Variants in LOC400499 observed in about 807,000 individuals in gnomAD.
the LOC400499 span, among the ~76,000 whole-genome samples, chr16:11,375,973 A>G: frequency 6.6e-6 from 1 of 152,200 alleles, no homozygotes; most frequent in South Asian, 2.1e-4. Flanking sequence ...GCCTGACCTC[A>G]GGTGATCCAC....
chr16:11,388,642 A>G, the LOC400499 span, among the ~76,000 whole-genome samples: 131,982 of 151,966 alleles, frequency 0.87, 59,010 homozygotes, highest in Non-Finnish European at 0.98. Flanking sequence ...AGGGGCCAAA[A>G]GGGTCTTTTA....
At chr16:11,385,826 T>G in the LOC400499 span, among the ~76,000 whole-genome samples, 2 of 152,178 alleles carry the variant, frequency 1.3e-5, no homozygotes, top group African/African-American at 4.8e-5. Flanking sequence ...TCGACTGTGG[T>G]GATGCAGGCA....
At chr16:11,414,423 T>A in the LOC400499 span, 1 of 399,772 alleles carries the variant, frequency 2.5e-6, no homozygotes, top group Non-Finnish European at 4.4e-6. Flanking sequence ...GTGGGCCACG[T>A]CGTGGCCGAG....
At chr16:11,455,294 C>G in the LOC400499 span, among the ~76,000 whole-genome samples, 2 of 152,120 alleles carry the variant, frequency 1.3e-5, no homozygotes. Context: ...GAGTTAAATT[C>G]TTATCTTCTC....
the LOC400499 span, among the ~76,000 whole-genome samples, chr16:11,525,091 C>G: frequency 0.019 from 2,824 of 152,176 alleles, 82 homozygotes; most frequent in African/African-American, 0.064. Context: ...CGAGACCAGC[C>G]TGGCCAGCAT....
At chr16:11,404,303 C>T in the LOC400499 span, among the ~76,000 whole-genome samples, 2 of 152,182 alleles carry the variant, frequency 1.3e-5, no homozygotes, top group African/African-American at 2.4e-5. Context: ...CATCTTGCTT[C>T]CTGATGGACC....
At chr16:11,390,235 A>ACCTGCCAGCTCACCT in the LOC400499 span, 1 of 1,232,416 alleles carries the variant, frequency 8.1e-7, no homozygotes, top group Non-Finnish European at 1.0e-6. Context: ...GAGCTGGCTC[A>ACCTGCCAGCTCACCT]GTCATCCTCA....
chr16:11,502,992 T>C, the LOC400499 span, among the ~76,000 whole-genome samples: 1 of 139,498 alleles, frequency 7.2e-6, no homozygotes, highest in East Asian at 2.1e-4. Flanking sequence ...CACAGTCACT[T>C]CTCACTGCAG....
At chr16:11,375,046 C>A in the LOC400499 span, among the ~76,000 whole-genome samples, 3 of 151,968 alleles carry the variant, frequency 2.0e-5, no homozygotes, top group African/African-American at 7.3e-5. Flanking sequence ...TGGGGTTTCA[C>A]CATGTTGGCC....
At chr16:11,448,188 G>A in the LOC400499 span, 1 of 1,294,648 alleles carries the variant, frequency 7.7e-7, no homozygotes, top group Non-Finnish European at 1.0e-6. Context: ...CCCCAGAAAT[G>A]ACTATCCGAG....
the LOC400499 span, among the ~76,000 whole-genome samples, chr16:11,388,156 C>T: frequency 2.6e-5 from 4 of 152,110 alleles, no homozygotes; most frequent in Admixed American, 2.6e-4. Flanking sequence ...CAGCTGGAGG[C>T]AGGAAGCAGC....
At chr16:11,525,999 C>A in the LOC400499 span, among the ~76,000 whole-genome samples, 1 of 152,082 alleles carries the variant, frequency 6.6e-6, no homozygotes, top group African/African-American at 2.4e-5. Context: ...AAATCAAGTC[C>A]CATTTCAGCT....
the LOC400499 span, among the ~76,000 whole-genome samples, chr16:11,418,109 G>T: frequency 6.6e-6 from 1 of 152,204 alleles, no homozygotes; most frequent in Non-Finnish European, 1.5e-5. Flanking sequence ...GGGGAAGATG[G>T]CTGGAGAAAG....
At chr16:11,497,160 G>A in the LOC400499 span, among the ~76,000 whole-genome samples, 8 of 152,166 alleles carry the variant, frequency 5.3e-5, no homozygotes, top group South Asian at 6.2e-4. Context: ...TCCAGTGTGC[G>A]TGTGCACGTC....
chr16:11,463,851 G>A, the LOC400499 span, among the ~76,000 whole-genome samples: 406 of 152,238 alleles, frequency 2.7e-3, 1 homozygote, highest in Non-Finnish European at 4.7e-3. Context: ...ATGTATGTGT[G>A]TAAAGAGATG....
chr16:11,395,005 T>A, the LOC400499 span, among the ~76,000 whole-genome samples: 1 of 152,214 alleles, frequency 6.6e-6, no homozygotes, highest in Admixed American at 6.5e-5. Flanking sequence ...TGTCGATCTC[T>A]GAGGAGATCC....
At chr16:11,513,100 CG>C in the LOC400499 span, among the ~76,000 whole-genome samples, 1 of 152,102 alleles carries the variant, frequency 6.6e-6, no homozygotes, top group African/African-American at 2.4e-5. Context: ...GTCACTTATA[CG>C]AAAAATTTAA....
At chr16:11,440,028 G>A in the LOC400499 span, among the ~76,000 whole-genome samples, 41 of 152,140 alleles carry the variant, frequency 2.7e-4, no homozygotes, top group Non-Finnish European at 5.9e-5. Flanking sequence ...AGGTTACACA[G>A]CTAGTTAACA....
chr16:11,390,393 C>A, the LOC400499 span: 10 of 1,240,454 alleles, frequency 8.1e-6, no homozygotes, highest in African/African-American at 1.2e-4. Context: ...CCTCTGCTCG[C>A]TCCCGCCACA....
Sources: gnomAD v4.1 joint callset for allele counts (sites outside exome capture counted in the v4.1 genomes callset) on GRCh38, gnomAD v4.1.1 for gene constraint, MANE v1.5 for transcripts.